SYNE2: variants seen among roughly 807,000 people sequenced by gnomAD.
SYNE2 encodes the protein spectrin repeat containing nuclear envelope protein 2.
In SYNE2, 431 loss-of-function variants were observed where a neutral mutation model predicts 856.3. The observed-to-expected ratio is 0.50, with a 90% CI of 0.47 to 0.55. The LOEUF is 0.55. SYNE2 is among the 20% of genes least tolerant of loss of function. The pLI is 0.00. For missense variants in SYNE2, 8,129 were observed against 8,023.2 expected (o/e 1.01, Z -0.50); for synonymous variants, 2,923 against 2,872.3 (o/e 1.02, Z -0.56).
intron 10 of SYNE2, among the ~76,000 whole-genome samples, chr14:63,966,581 C>T (rs2096396069): frequency 6.6e-6 from 1 of 150,958 alleles, no homozygotes; most frequent in South Asian, 2.1e-4. Flanking sequence ...CCCCCCGAGA[C>T]AGGATCTCTC....
At chr14:63,781,339 T>A (rs1428904691) in intron 1 of SYNE2, among the ~76,000 whole-genome samples, 2 of 150,192 alleles carry the variant, frequency 1.3e-5, no homozygotes, top group East Asian at 2.0e-4. Flanking sequence ...CCTGAAAAAA[T>A]GGAAAAGAAG....
At chr14:64,000,448 A>G (rs1017048545) in intron 27 of SYNE2, 114 bp from the exon 28 acceptor site, 12 of 965,488 alleles carry the variant, frequency 1.2e-5, no homozygotes, top group Non-Finnish European at 1.8e-5. Context: ...ACACATTTAC[A>G]TATGAAACAT....
intron 1 of SYNE2, among the ~76,000 whole-genome samples, chr14:63,795,480 T>G (rs1434270570): frequency 1.3e-5 from 2 of 152,224 alleles, no homozygotes; most frequent in East Asian, 3.9e-4. Context: ...GAGTTAATAC[T>G]TAATAGTTAA....
intron 11 of SYNE2, among the ~76,000 whole-genome samples, chr14:63,970,156 C>T (rs114396751): frequency 0.012 from 1,765 of 151,858 alleles, 35 homozygotes; most frequent in African/African-American, 0.04. Flanking sequence ...TAAATGACAC[C>T]GTTGTATCTT....
intron 84 of SYNE2, among the ~76,000 whole-genome samples, chr14:64,151,511 CAAA>C (rs201140500): frequency 1.2e-4 from 2 of 16,444 alleles, no homozygotes; most frequent in South Asian, 1.8e-3. Flanking sequence ...AAGCAATTTT[CAAA>C]AAAAAAAAAA....
chr14:63,815,090 G>C (rs530218530), intron 1 of SYNE2, among the ~76,000 whole-genome samples: 580 of 57,770 alleles, frequency 0.01, 31 homozygotes, highest in Middle Eastern at 0.031. Context: ...CCATATATAT[G>C]CACATATATA....
At chr14:64,090,712 T>G (rs917644066) in intron 59 of SYNE2, among the ~76,000 whole-genome samples, 154 bp from the exon 60 acceptor site, 16 of 152,220 alleles carry the variant, frequency 1.1e-4, no homozygotes, top group African/African-American at 3.9e-4. Flanking sequence ...TCCCGGATCA[T>G]GAGTGATATA....
rs116823334 is a variant in SYNE2, at chr14:64,137,821, G to A, written c.14681G>A (p.Arg4894Gln). 1.5e-4 allele frequency: 250 copies of A among 1,614,116 alleles called. No homozygotes were observed. The African/African-American group carries it at 2.0e-3, about 13-fold the overall frequency. ...IKRNIGGKHA[R>Q]LYQTLNEGKQ... ...AGAAACATTGGTGGAAAACACGCCCGGCTTTACCAAACTCTGAACGAAGGC... is the reference window on the plus strand; with the variant it reads ...AGAAACATTGGTGGAAAACACGCCCAGCTTTACCAAACTCTGAACGAAGGC... Residue 4894 changes from arginine to glutamine, a missense_variant, in exon 79 of 116, where the codon CGG becomes CAG. Physicochemically the swap from Arg to Gln is conservative, Grantham distance 43. Transcript: ENST00000555002.
chr14:63,795,009 GA>G (rs1189769884), intron 1 of SYNE2, among the ~76,000 whole-genome samples: 1 of 152,010 alleles, frequency 6.6e-6, no homozygotes, highest in Non-Finnish European at 1.5e-5. Flanking sequence ...AGGCTCAGGT[GA>G]TCCTCCTACC....
chr14:63,775,749 TTTTGTTTGTTTG>T (rs576349413), intron 1 of SYNE2, among the ~76,000 whole-genome samples: 11 of 152,006 alleles, frequency 7.2e-5, no homozygotes, highest in Admixed American at 5.3e-4. Context: ...CCCTGGCTAA[TTTTGTTTGTTTG>T]TTTGTTTGTT....
intron 50 of SYNE2, among the ~76,000 whole-genome samples, chr14:64,064,501 G>A (rs939163057): frequency 1.4e-5 from 2 of 147,290 alleles, no homozygotes; most frequent in Non-Finnish European, 3.0e-5. Flanking sequence ...CTGAAACCTT[G>A]AAAGGAGAAA....
intron 99 of SYNE2, among the ~76,000 whole-genome samples, chr14:64,200,073 T>C (rs2098555499): frequency 6.6e-6 from 1 of 152,230 alleles, no homozygotes; most frequent in African/African-American, 2.4e-5. Flanking sequence ...CAGGCTGTTG[T>C]GTTGCTAGTT....
At chr14:64,162,940 T>C (rs2098340118) in intron 88 of SYNE2, 1 of 179,278 alleles carries the variant, frequency 5.6e-6, no homozygotes, top group African/African-American at 2.4e-5. Flanking sequence ...AAAACAAATT[T>C]TATGTACACA....
chr14:64,070,963 A>C, intron 52 of SYNE2, 53 bp downstream of exon 52: 1 of 1,593,656 alleles, frequency 6.3e-7, no homozygotes, highest in East Asian at 2.2e-5. Flanking sequence ...TATGGCTCAA[A>C]ATTTAGAAAA....
intron 8 of SYNE2, among the ~76,000 whole-genome samples, chr14:63,956,904 C>G (rs910944697): frequency 6.6e-6 from 1 of 152,156 alleles, no homozygotes; most frequent in African/African-American, 2.4e-5. Flanking sequence ...CACCACAGTT[C>G]ATTTTAGAAC....
intron 1 of SYNE2, among the ~76,000 whole-genome samples, chr14:63,854,309 C>A (rs1287398816): frequency 6.6e-6 from 1 of 152,074 alleles, no homozygotes; most frequent in Non-Finnish European, 1.5e-5. Context: ...TTAAACCATG[C>A]CGGGCTACAC....
chr14:64,106,927 T>C (rs1037006283), intron 64 of SYNE2, among the ~76,000 whole-genome samples: 3 of 152,238 alleles, frequency 2.0e-5, no homozygotes, highest in South Asian at 2.1e-4. Context: ...ATTCTACTTA[T>C]ATTTTTCATA....
chr14:63,771,767 T>C (rs1043684217), intron 1 of SYNE2, among the ~76,000 whole-genome samples: 3 of 151,940 alleles, frequency 2.0e-5, no homozygotes, highest in Non-Finnish European at 2.9e-5. Flanking sequence ...TGGGTGTGTG[T>C]GTGCCTGTAA....
In SYNE2 at chr14:64,122,295, A is replaced by G; in HGVS notation, c.13290A>G (p.Ala4430=). ...TGTTCTTCTTCAAAAGCAACCAGGC[A>G]TCCAGCCCTGAAAATGACGTTCCAG... ...TTQESSASNQ[A]SSPENDVPDS... Residue 4430 remains alanine (A), a synonymous_variant, in exon 70 of 116, where the codon GCA becomes GCG. Coordinates refer to ENST00000555002, the MANE Select transcript of SYNE2 (RefSeq NM_182914.3). 6.2e-7 allele frequency: 1 copy of G among 1,614,222 alleles called. No individual in the cohort carries two copies. Among genetic ancestry groups the G allele is most frequent in the South Asian group, 1.1e-5 (1 of 91,090 alleles).
Sources: gnomAD v4.1 joint callset for allele counts (sites outside exome capture counted in the v4.1 genomes callset) on GRCh38, gnomAD v4.1.1 for gene constraint, MANE v1.5 for transcripts, NCBI Gene and HGNC (gene_info 2026-07-23, HGNC 2026-07-21) for gene names.